The following UNC13C variants were observed in gnomAD, a reference collection of about 807,000 sequenced individuals.
UNC13C encodes unc-13 homolog C, also known as protein unc-13 homolog C.
In UNC13C, 174 loss-of-function variants were observed where a neutral mutation model predicts 245.4. That is an observed-to-expected ratio of 0.71 (90% CI 0.63 to 0.80). UNC13C has a LOEUF of 0.80. UNC13C is among the 30% of genes least tolerant of loss of function. UNC13C has a pLI of 0.00. For missense variants in UNC13C, 2,829 were observed against 2,602.9 expected, an observed-to-expected ratio of 1.09 and a Z score of -1.89; for synonymous variants, 992 against 895.1, an observed-to-expected ratio of 1.11 and a Z score of -1.93.
At chr15:54,473,204 A>ATTTATTTTAT (rs201127835) in intron 19 of UNC13C, among the ~76,000 whole-genome samples, 4 of 136,328 alleles carry the variant, frequency 2.9e-5, no homozygotes, top group East Asian at 2.6e-4. Flanking sequence ...TTTATTGATT[A>ATTTATTTTAT]TTTATTTTAT....
intron 2 of UNC13C, among the ~76,000 whole-genome samples, chr15:54,128,585 T>C (rs923720599): frequency 6.6e-6 from 1 of 152,220 alleles, no homozygotes; most frequent in African/African-American, 2.4e-5. Context: ...TAGGGTGTTA[T>C]GTTTAAGACT....
intron 30 of UNC13C, among the ~76,000 whole-genome samples, chr15:54,613,962 CAG>C (rs1900266509): frequency 6.6e-6 from 1 of 151,896 alleles, no homozygotes; most frequent in Admixed American, 6.6e-5. Flanking sequence ...AAAAATAAAA[CAG>C]GGTAAGAACT....
chr15:54,030,783 AC>A (rs1388735230), intron 2 of UNC13C, among the ~76,000 whole-genome samples: 1 of 152,082 alleles, frequency 6.6e-6, no homozygotes, highest in Non-Finnish European at 1.5e-5. Context: ...AAAGAAAAAA[AC>A]ACTGTGTCCT....
chr15:54,599,648 C>T (rs1596648550), intron 30 of UNC13C, among the ~76,000 whole-genome samples: 1 of 152,168 alleles, frequency 6.6e-6, no homozygotes, highest in East Asian at 1.9e-4. Context: ...CTACCCGAAA[C>T]ACATGGTTGT....
At chr15:54,196,354 A>AG (rs2034353561) in intron 4 of UNC13C, among the ~76,000 whole-genome samples, 1 of 152,032 alleles carries the variant, frequency 6.6e-6, no homozygotes, top group South Asian at 2.1e-4. Flanking sequence ...GAAAAAAAAA[A>AG]AAATCCTGCA....
chr15:54,147,315 G>A (rs1276898777), intron 4 of UNC13C, among the ~76,000 whole-genome samples: 1 of 151,552 alleles, frequency 6.6e-6, no homozygotes. Flanking sequence ...TGCCTCCCGG[G>A]TTCATGCCAT....
At position 54,018,980 on chromosome 15, in the gene UNC13C, G is replaced by A. The variant is rs763807144; in HGVS notation, c.2983+3094G>A. ...CAAATTCAAACTGTGGCTTTTAATC[G>A]CTAAGACTATGACTTTATCTCCTGA... On this transcript the variant is annotated intron_variant, in intron 2 of 32. Transcript: ENST00000260323. Among the ~76,000 whole-genome samples the A allele has an allele frequency of 3.2e-4, 48 of 152,170 alleles. 1 individual carries two copies. Among genetic ancestry groups the A allele is most frequent in the Admixed American group, 9.2e-4 (14 of 15,288 alleles).
intron 17 of UNC13C, among the ~76,000 whole-genome samples, chr15:54,355,122 G>A (rs1445777869): frequency 2.6e-5 from 4 of 151,914 alleles, no homozygotes; most frequent in Non-Finnish European, 5.9e-5. Context: ...ACCAGATGTT[G>A]CCCCTCAACC....
At chr15:54,613,028 T>C (rs1490856005) in intron 30 of UNC13C, among the ~76,000 whole-genome samples, 1 of 151,880 alleles carries the variant, frequency 6.6e-6, no homozygotes, top group African/African-American at 2.4e-5. Context: ...TAGGAGATTA[T>C]TATTTGTCTC....
intron 30 of UNC13C, among the ~76,000 whole-genome samples, chr15:54,580,049 C>G (rs1365613038): frequency 6.6e-6 from 1 of 152,120 alleles, no homozygotes; most frequent in African/African-American, 2.4e-5. Context: ...TGTGGAAATA[C>G]TGACATGTCA....
chr15:54,315,532 T>C (rs1282128240), intron 13 of UNC13C, among the ~76,000 whole-genome samples: 1 of 151,678 alleles, frequency 6.6e-6, no homozygotes, highest in Admixed American at 6.6e-5. Flanking sequence ...CATATGGCTA[T>C]TTCCCAGGTG....
At chr15:54,155,173 A>G (rs1347810278) in intron 4 of UNC13C, among the ~76,000 whole-genome samples, 1 of 152,154 alleles carries the variant, frequency 6.6e-6, no homozygotes, top group Non-Finnish European at 1.5e-5. Context: ...TCACTCATGC[A>G]TGTGTGGTCA....
At chr15:54,153,456 T>A (rs1383322696) in intron 4 of UNC13C, among the ~76,000 whole-genome samples, 1 of 152,032 alleles carries the variant, frequency 6.6e-6, no homozygotes, top group Non-Finnish European at 1.5e-5. Context: ...ATTTTACAGA[T>A]GAGATAATTC....
the UNC13C span, among the ~76,000 whole-genome samples, chr15:53,877,882 A>G: frequency 1.3e-5 from 2 of 152,164 alleles, no homozygotes; most frequent in African/African-American, 4.8e-5. Context: ...TTCCATTACT[A>G]TAGATTCATT....
At chr15:53,931,130 T>C in the UNC13C span, among the ~76,000 whole-genome samples, 10 of 152,088 alleles carry the variant, frequency 6.6e-5, no homozygotes, top group Non-Finnish European at 7.4e-5. Flanking sequence ...CAGAAAGTTG[T>C]TTTATTTTAT....
intron 4 of UNC13C, among the ~76,000 whole-genome samples, chr15:54,145,230 G>T (rs1175318991): frequency 6.6e-6 from 1 of 151,928 alleles, no homozygotes; most frequent in African/African-American, 2.4e-5. Context: ...TAGGCAAAAA[G>T]TTTCACAGTT....
intron 10 of UNC13C, 73 bp from the exon 11 acceptor site, chr15:54,293,822 A>T: frequency 7.9e-7 from 1 of 1,265,892 alleles, no homozygotes; most frequent in Non-Finnish European, 1.0e-6. Flanking sequence ...ATAGATAGAA[A>T]ATAAAGTACT....
the UNC13C span, among the ~76,000 whole-genome samples, chr15:53,864,365 TCAGA>T: frequency 2.4e-4 from 37 of 152,198 alleles, no homozygotes; most frequent in Admixed American, 1.7e-3. Flanking sequence ...AAAAGTTGTG[TCAGA>T]CAGGCAAAAT....
intron 10 of UNC13C, among the ~76,000 whole-genome samples, chr15:54,291,492 A>G (rs1758497687): frequency 6.6e-6 from 1 of 152,058 alleles, no homozygotes; most frequent in African/African-American, 2.4e-5. Flanking sequence ...TGAAAGATAC[A>G]TGCCAGAAAT....
Sources: allele counts gnomAD v4.1 joint callset (sites outside exome capture counted in the v4.1 genomes callset), GRCh38; gene constraint gnomAD v4.1.1; transcripts MANE v1.5; gene names NCBI Gene and HGNC (gene_info 2026-07-23, HGNC 2026-07-21).